The following RHPN2 variants were observed in gnomAD, a reference collection of about 807,000 sequenced individuals.
RHPN2 encodes rhophilin Rho GTPase binding protein 2.
A neutral mutation model predicts 79.0 loss-of-function variants in RHPN2; 40 were observed. The ratio of observed to expected loss-of-function variants is 0.51; its 90% confidence interval spans 0.39 to 0.66. RHPN2 has a LOEUF of 0.66. Among genes scored for constraint, RHPN2 ranks in the 30% least tolerant of loss-of-function variants. The pLI is 0.00. For synonymous variants in RHPN2, 285 were observed against 363.5 expected, an observed-to-expected ratio of 0.78 and a Z score of 2.46; for missense variants, 686 against 883.5, an observed-to-expected ratio of 0.78 and a Z score of 2.83.
At chr19:32,982,985 A>G (rs1412623806) in intron 14 of RHPN2, among the ~76,000 whole-genome samples, 1 of 150,532 alleles carries the variant, frequency 6.6e-6, no homozygotes, top group Non-Finnish European at 1.5e-5. Flanking sequence ...CCGTCCCCCA[A>G]GACCAAGCCC....
intron 14 of RHPN2, 104 bp from the exon 15 acceptor site, chr19:32,980,360 C>T: frequency 1.5e-6 from 2 of 1,362,468 alleles, no homozygotes; most frequent in Non-Finnish European, 2.1e-6. Context: ...GTAATCCCAA[C>T]AGTTTGGGAG....
intron 1 of RHPN2, 122 bp downstream of exon 1, chr19:33,064,662 G>T: frequency 9.7e-7 from 1 of 1,028,952 alleles, no homozygotes; most frequent in Non-Finnish European, 1.4e-6. Context: ...CCGGCCCAGT[G>T]CGCCCCCTCC....
Position 32,991,998 on chromosome 19 carries a change from G to A in RHPN2, c.1498-29C>T, listed in dbSNP as rs3764639. 0.028 allele frequency: 44,484 copies of A among 1,613,502 alleles called. 4,395 individuals are homozygous for A. In the East Asian group the frequency reaches 0.3, roughly 11 times the overall value. Reference sequence around the variant, plus strand: ...TGGAAGAGAGCATCGTTAGGTGTAGGATTTGAAGGCTGGATCAGACGCTTG... The same window carrying A: ...TGGAAGAGAGCATCGTTAGGTGTAGAATTTGAAGGCTGGATCAGACGCTTG... On this transcript the variant is annotated intron_variant, in intron 12 of 14. Coordinates refer to ENST00000254260, the MANE Select transcript of RHPN2 (RefSeq NM_033103.5).
intron 1 of RHPN2, among the ~76,000 whole-genome samples, chr19:33,058,652 C>T (rs183130574): frequency 2.2e-4 from 33 of 152,172 alleles, no homozygotes; most frequent in African/African-American, 6.7e-4. Context: ...TGGTGGCACG[C>T]GCCTGTAGTC....
intron 7 of RHPN2, among the ~76,000 whole-genome samples, chr19:33,004,943 A>T (rs1239117547): frequency 6.6e-6 from 1 of 151,786 alleles, no homozygotes; most frequent in African/African-American, 2.4e-5. Flanking sequence ...CTATTGAGTA[A>T]AGAAACCAGC....
chr19:33,057,652 G>T (rs897182664), intron 1 of RHPN2, among the ~76,000 whole-genome samples: 2 of 150,266 alleles, frequency 1.3e-5, no homozygotes, highest in Non-Finnish European at 3.0e-5. Context: ...CTCCTGCCTG[G>T]GTGACAGAGC....
At chr19:32,983,180 C>G (rs10410191) in intron 14 of RHPN2, among the ~76,000 whole-genome samples, 38,503 of 147,514 alleles carry the variant, frequency 0.26, 5,087 homozygotes, top group Non-Finnish European at 0.28. Context: ...CACACACACA[C>G]ACACACACTC....
At chr19:33,060,929 C>A (rs1972274322) in intron 1 of RHPN2, among the ~76,000 whole-genome samples, 1 of 152,190 alleles carries the variant, frequency 6.6e-6, no homozygotes, top group Non-Finnish European at 1.5e-5. Flanking sequence ...CCCAATGCCT[C>A]CCTGCCTGGC....
chr19:33,034,567 C>T (rs903588615), intron 2 of RHPN2, among the ~76,000 whole-genome samples: 1 of 142,162 alleles, frequency 7.0e-6, no homozygotes, highest in African/African-American at 2.6e-5. Flanking sequence ...GATCCTGCTA[C>T]TGCACTCCAG....
intron 14 of RHPN2, among the ~76,000 whole-genome samples, chr19:32,990,126 A>C (rs1270320171): frequency 6.8e-6 from 1 of 147,668 alleles, no homozygotes; most frequent in Non-Finnish European, 1.5e-5. Context: ...AAAATTAAAA[A>C]AGAAAATGAA....
chr19:33,047,573 G>A (rs1352950727), intron 1 of RHPN2, among the ~76,000 whole-genome samples: 3 of 152,088 alleles, frequency 2.0e-5, no homozygotes, highest in African/African-American at 4.8e-5. Flanking sequence ...GTAGTATTAC[G>A]TGGTGAAGAG....
chr19:32,987,824 T>C (rs1971623054), intron 14 of RHPN2, among the ~76,000 whole-genome samples: 1 of 152,268 alleles, frequency 6.6e-6, no homozygotes, highest in African/African-American at 2.4e-5. Context: ...ATCTGGAACA[T>C]TCAAAACATG....
chr19:33,051,745 G>A (rs1972189680), intron 1 of RHPN2: 1 of 180,042 alleles, frequency 5.6e-6, no homozygotes, highest in Non-Finnish European at 1.2e-5. Flanking sequence ...CAAAGGCCTG[G>A]TGTGGTGGCT....
chr19:33,042,365 C>T (rs1233519024), intron 2 of RHPN2, among the ~76,000 whole-genome samples: 1 of 152,174 alleles, frequency 6.6e-6, no homozygotes, highest in African/African-American at 2.4e-5. Context: ...CTTCCCAGCA[C>T]ATGACAGGGA....
intron 2 of RHPN2, among the ~76,000 whole-genome samples, chr19:33,033,791 C>T (rs569473130): frequency 1.1e-4 from 16 of 150,630 alleles, no homozygotes; most frequent in African/African-American, 2.4e-4. Flanking sequence ...CGCTTGAACC[C>T]GGGAGGCACA....
At chr19:33,021,969 C>G (rs969213243) in intron 3 of RHPN2, among the ~76,000 whole-genome samples, 1 of 152,052 alleles carries the variant, frequency 6.6e-6, no homozygotes, top group Non-Finnish European at 1.5e-5. Context: ...TTTAGAGACT[C>G]TTGTTCTGTC....
chr19:33,064,778 GC>G lies in RHPN2; in HGVS notation c.69+5del. ...GGTCCCCGCCCGCCCGCCCGAAGCC[GC>G]CCACCTTCCGAAAGTAGCCGTCGTT... is the stretch of plus-strand genomic sequence containing the variant. On this transcript the variant is annotated splice_donor_5th_base_variant and intron_variant, in intron 1 of 14. Coordinates refer to ENST00000254260, the MANE Select transcript of RHPN2 (RefSeq NM_033103.5). 2.0e-6 allele frequency: 1 copy of G among 497,250 alleles called. No homozygotes were observed. Among genetic ancestry groups the G allele is most frequent in the Admixed American group, 3.0e-5 (1 of 33,748 alleles). The allele number at this position is 497,250 out of a possible 1,614,324, so 30.8% of individuals were successfully genotyped here. A position where few individuals can be genotyped will look rare whatever the true frequency, so the allele number is the denominator to read the frequency against.
At chr19:33,028,090 A>G (rs556252237) in intron 2 of RHPN2, among the ~76,000 whole-genome samples, 44 of 152,324 alleles carry the variant, frequency 2.9e-4, no homozygotes, top group African/African-American at 9.9e-4. Flanking sequence ...GGCATCCATA[A>G]AACAAATATT....
intron 1 of RHPN2, among the ~76,000 whole-genome samples, chr19:33,046,104 A>G (rs1047288883): frequency 2.0e-5 from 3 of 152,082 alleles, no homozygotes; most frequent in Admixed American, 2.0e-4. Context: ...TTCATCATTC[A>G]TCATACAATG....
Sources: allele counts gnomAD v4.1 joint callset (sites outside exome capture counted in the v4.1 genomes callset), GRCh38; gene constraint gnomAD v4.1.1; transcripts MANE v1.5; gene names NCBI Gene and HGNC (gene_info 2026-07-23, HGNC 2026-07-21).